The following TBCK variants were observed in gnomAD, a reference collection of about 807,000 sequenced individuals.
TBCK encodes the protein TBC1 domain containing kinase.
TBCK carries 99 observed loss-of-function variants against 113.4 expected under a neutral mutation model. The ratio of observed to expected loss-of-function variants is 0.87; its 90% confidence interval spans 0.74 to 1.03. The LOEUF is 1.03. Ranked by LOEUF, TBCK falls within the 50% of genes least tolerant of loss-of-function variation. TBCK has a pLI of 0.00. For synonymous variants in TBCK, 369 were observed against 370.8 expected, an observed-to-expected ratio of 1.00 and a Z score of 0.05; for missense variants, 1,045 against 1,061.3, an observed-to-expected ratio of 0.98 and a Z score of 0.21.
At chr4:106,244,348 G>T (rs1760516224) in intron 11 of TBCK, among the ~76,000 whole-genome samples, 2 of 151,992 alleles carry the variant, frequency 1.3e-5, no homozygotes, top group Non-Finnish European at 2.9e-5. Context: ...ATTATTGCAA[G>T]ATATTCCATA....
chr4:106,316,553 T>G (rs763715597), upstream of TBCK: 26 of 1,551,462 alleles, frequency 1.7e-5, no homozygotes, highest in Admixed American at 5.9e-5. Context: ...CCTACATGCT[T>G]CCTGCTGTGG....
At chr4:106,078,080 T>A (rs1289204212) in intron 25 of TBCK, among the ~76,000 whole-genome samples, 1 of 152,164 alleles carries the variant, frequency 6.6e-6, no homozygotes, top group African/African-American at 2.4e-5. Flanking sequence ...AATCAAAACA[T>A]TATTTGAAAT....
chr4:106,258,324 G>C (rs1306005684), intron 5 of TBCK, among the ~76,000 whole-genome samples: 3 of 152,040 alleles, frequency 2.0e-5, no homozygotes, highest in Non-Finnish European at 4.4e-5. Flanking sequence ...ACTCTTTACA[G>C]TATTTTGAAA....
At chr4:106,267,457 C>A (rs1763094548) in intron 3 of TBCK, among the ~76,000 whole-genome samples, 2 of 151,898 alleles carry the variant, frequency 1.3e-5, no homozygotes. Flanking sequence ...CTTAGAAGGA[C>A]AGATTTACAA....
In TBCK at chr4:106,250,526, T is replaced by G. The variant is rs371730965; in HGVS notation, c.598-48A>C. 71 of 1,129,278 alleles carry G rather than the reference T, an allele frequency of 6.3e-5. No homozygotes were observed. In the African/African-American group the frequency reaches 1.1e-3, roughly 18 times the overall value. The allele number at this position is 1,129,278 out of a possible 1,614,324, so 70.0% of individuals were successfully genotyped here. ...TTTCTATTAATATTTACATGTTTTTTCTAGGAAGGCATTTTTCTCCCCTTA... is the reference window on the plus strand; with the variant it reads ...TTTCTATTAATATTTACATGTTTTTGCTAGGAAGGCATTTTTCTCCCCTTA... On this transcript the variant is annotated intron_variant, in intron 6 of 25. Transcript: ENST00000394708.
rs1201641656 is a variant in TBCK, at chr4:106,044,256, A to G, written c.*2314T>C. ...GAGTTAAGACTCAGAATGATCATCA[A>G]TGGTGCATTCTGATTATGAACTCAG... On this transcript the variant is annotated 3_prime_UTR_variant, in exon 26 of 26. Coordinates refer to ENST00000394708, the MANE Select transcript of TBCK (RefSeq NM_001163435.3). The G allele has an allele frequency of 6.6e-6, 1 of 152,254 alleles. No homozygotes were observed. The highest frequency in any genetic ancestry group is 2.1e-4 in the South Asian group (1 of 4,820). 9.4% of individuals were successfully genotyped at this position (152,254 alleles called of 1,614,324 possible).
rs569838376 is a variant in TBCK, at chr4:106,244,260, T to C, written c.1070+366A>G. On this transcript the variant is annotated intron_variant, in intron 11 of 25. Coordinates refer to ENST00000394708, the MANE Select transcript of TBCK (RefSeq NM_001163435.3). The stretch of plus-strand genomic sequence containing the variant: ...TTTGGAAAAAGAACATAGTTCTTCA[T>C]AGTAGGAACATTAAGCTAGTTTTTA... Among the ~76,000 whole-genome samples the C allele has an allele frequency of 1.1e-3, 161 of 152,306 alleles. 1 individual carries two copies. Among genetic ancestry groups the C allele is most frequent in the African/African-American group, 3.8e-3 (156 of 41,574 alleles).
At chr4:106,197,386 AGTGTGTGT>A (rs70941239) in intron 20 of TBCK, among the ~76,000 whole-genome samples, 6 of 119,028 alleles carry the variant, frequency 5.0e-5, no homozygotes, top group African/African-American at 1.9e-4. Flanking sequence ...AACATATCTG[AGTGTGTGT>A]GTGTGTGTGT....
At chr4:106,136,137 TTTTA>T (rs1290421675) in intron 23 of TBCK, among the ~76,000 whole-genome samples, 10 of 141,884 alleles carry the variant, frequency 7.0e-5, no homozygotes, top group African/African-American at 2.5e-4. Flanking sequence ...TATCTCCTTT[TTTTA>T]TTCAGTTTTT....
At chr4:106,069,164 C>G (rs1385552660) in intron 25 of TBCK, among the ~76,000 whole-genome samples, 1 of 152,170 alleles carries the variant, frequency 6.6e-6, no homozygotes, top group Non-Finnish European at 1.5e-5. Flanking sequence ...TCTCATTTGT[C>G]AATTTTGGCT....
chr4:106,184,103 C>G (rs1329589648), intron 22 of TBCK, among the ~76,000 whole-genome samples: 1 of 152,018 alleles, frequency 6.6e-6, no homozygotes, highest in Admixed American at 6.6e-5. Context: ...TAGACTCTGA[C>G]AAGTAAGATC....
At position 106,154,988 on chromosome 4, in the gene TBCK, A is replaced by AT. The variant is rs538006344; in HGVS notation, c.2235+16106dup. ...TTAACCCTCAGATAATCTATTACTC[A>AT]TTAAAAGTCTTTTCTTTTTGTTTGA... On this transcript the variant is annotated intron_variant, in intron 23 of 25. Transcript: ENST00000394708. Among the ~76,000 whole-genome samples the AT allele has an allele frequency of 2.0e-4, 31 of 151,914 alleles. No homozygotes were observed. The South Asian group carries it at 3.7e-3, about 18-fold the overall frequency.
chr4:106,223,238 A>G (rs1455317915), intron 19 of TBCK, among the ~76,000 whole-genome samples: 1 of 152,148 alleles, frequency 6.6e-6, no homozygotes, highest in East Asian at 1.9e-4. Context: ...ACCTTTCTAA[A>G]TACATAACTT....
At chr4:106,200,286 A>G (rs1177634137) in intron 20 of TBCK, among the ~76,000 whole-genome samples, 4 of 152,186 alleles carry the variant, frequency 2.6e-5, no homozygotes, top group African/African-American at 9.7e-5. Context: ...CATTCCCACA[A>G]TCTCAGCACT....
intron 25 of TBCK, among the ~76,000 whole-genome samples, chr4:106,085,476 C>G (rs1410634820): frequency 6.6e-6 from 1 of 152,144 alleles, no homozygotes; most frequent in Non-Finnish European, 1.5e-5. Flanking sequence ...TAAGTTCTTA[C>G]AGACCTACAA....
intron 6 of TBCK, chr4:106,251,113 C>T: frequency 2.6e-6 from 1 of 389,140 alleles, no homozygotes; most frequent in South Asian, 2.0e-5. Flanking sequence ...TGATTGTGTG[C>T]CAAATTGGAC....
intron 1 of TBCK, among the ~76,000 whole-genome samples, chr4:106,312,092 A>C (rs1278558254): frequency 6.6e-6 from 1 of 152,182 alleles, no homozygotes; most frequent in East Asian, 1.9e-4. Flanking sequence ...TCAAAATTAA[A>C]AACATCTGCA....
chr4:106,155,438 A>C (rs1048738991), intron 23 of TBCK, among the ~76,000 whole-genome samples: 30 of 152,274 alleles, frequency 2.0e-4, no homozygotes, highest in Non-Finnish European at 3.8e-4. Context: ...TCACTCATTA[A>C]CATCCTTTTT....
At position 106,304,501 on chromosome 4, in the gene TBCK, T is replaced by C. The variant is rs367988791; in HGVS notation, c.193+4267A>G. Among the ~76,000 whole-genome samples the C allele has an allele frequency of 1.2e-4, 18 of 152,330 alleles. No individual in the cohort carries two copies. In the South Asian group the frequency reaches 3.7e-3, roughly 32 times the overall value. The stretch of plus-strand genomic sequence containing the variant: ...ACGTTTAAGTATCTAGAAATTAATT[T>C]CTTAATAAGCTGCCTCATTATAAAA... On this transcript the variant is annotated intron_variant, in intron 2 of 25. Coordinates refer to ENST00000394708, the MANE Select transcript of TBCK (RefSeq NM_001163435.3).
Sources: allele counts gnomAD v4.1 joint callset (sites outside exome capture counted in the v4.1 genomes callset), GRCh38; gene constraint gnomAD v4.1.1; transcripts MANE v1.5; gene names NCBI Gene and HGNC (gene_info 2026-07-23, HGNC 2026-07-21).